The following WWOX variants were observed in gnomAD, a reference collection of about 807,000 sequenced individuals.
The protein encoded by WWOX is WW domain containing oxidoreductase.
WWOX carries 69 observed loss-of-function variants against 46.2 expected under a neutral mutation model. The observed-to-expected ratio is 1.49, with a 90% CI of 1.23 to 1.82. The LOEUF (loss-of-function observed/expected upper bound fraction) is 1.82. Ranked by LOEUF, WWOX falls within the 40% of genes most tolerant of loss-of-function variation. WWOX has a pLI of 0.00. For missense variants in WWOX, 919 were observed against 542.6 expected, an observed-to-expected ratio of 1.69 and a Z score of -6.89; for synonymous variants, 359 against 202.6, an observed-to-expected ratio of 1.77 and a Z score of -6.56.
intron 8 of WWOX, among the ~76,000 whole-genome samples, chr16:78,723,876 G>T: frequency 6.6e-6 from 1 of 152,182 alleles, no homozygotes; most frequent in African/African-American, 2.4e-5. Flanking sequence ...TGTAAAAAAT[G>T]AGGATTTGTT....
rs919034102 is a variant in WWOX at position 79,092,414 on chromosome 16, G to C, written c.1057-119194G>C. Among the ~76,000 whole-genome samples the C allele has an allele frequency of 5.3e-5, 8 of 152,270 alleles. No individual in the cohort carries two copies. In the East Asian group the frequency reaches 1.4e-3, roughly 26 times the overall value. Reference sequence around the variant, plus strand: ...ATAAAGCCAGAGGCGATATCACTTAGTTGTTCCAACATGATTGGTTCCTCA... The same window carrying C: ...ATAAAGCCAGAGGCGATATCACTTACTTGTTCCAACATGATTGGTTCCTCA... On this transcript the variant is annotated intron_variant, in intron 8 of 8. Transcript: ENST00000566780.
At chr16:78,861,303 T>G (rs1413013302) in intron 8 of WWOX, among the ~76,000 whole-genome samples, 1 of 152,232 alleles carries the variant, frequency 6.6e-6, no homozygotes, top group Non-Finnish European at 1.5e-5. Context: ...CATGCATCCA[T>G]CCATCCACCT....
intron 5 of WWOX, among the ~76,000 whole-genome samples, chr16:78,168,881 T>C (rs1167548136): frequency 6.6e-6 from 1 of 152,182 alleles, no homozygotes; most frequent in Non-Finnish European, 1.5e-5. Flanking sequence ...AATTATTTCA[T>C]GGGAAAATGC....
At chr16:78,980,558 T>C (rs755313583) in intron 8 of WWOX, among the ~76,000 whole-genome samples, 1 of 152,228 alleles carries the variant, frequency 6.6e-6, no homozygotes, top group African/African-American at 2.4e-5. Flanking sequence ...TTTTGTCTTT[T>C]ACGAAGCGTT....
At chr16:79,060,203 A>T (rs931754478) in intron 8 of WWOX, among the ~76,000 whole-genome samples, 3 of 152,172 alleles carry the variant, frequency 2.0e-5, no homozygotes, top group African/African-American at 7.2e-5. Flanking sequence ...TTTTCTTGCT[A>T]ATTTATTTCC....
chr16:78,682,626 C>G (rs1034931668), intron 8 of WWOX, among the ~76,000 whole-genome samples: 6 of 152,108 alleles, frequency 3.9e-5, no homozygotes, highest in African/African-American at 1.4e-4. Flanking sequence ...CCCCTGTAAT[C>G]CCAGCAGTCT....
chr16:78,998,839 T>C (rs1364318374), intron 8 of WWOX, among the ~76,000 whole-genome samples: 1 of 152,240 alleles, frequency 6.6e-6, no homozygotes, highest in Non-Finnish European at 1.5e-5. Flanking sequence ...TGTCAGGGTC[T>C]CTGAAATCTG....
At chr16:79,106,960 G>A (rs745982867) in intron 8 of WWOX, among the ~76,000 whole-genome samples, 5 of 151,532 alleles carry the variant, frequency 3.3e-5, no homozygotes, top group African/African-American at 4.8e-5. Context: ...GGTGCCCCCC[G>A]CAACCATGTC....
intron 8 of WWOX, among the ~76,000 whole-genome samples, chr16:78,465,919 A>T (rs566886325): frequency 9.9e-5 from 15 of 152,238 alleles, no homozygotes; most frequent in Non-Finnish European, 1.9e-4. Flanking sequence ...CCATTTATAT[A>T]AAATATGCAG....
At chr16:79,152,232 C>G (rs763962782) in intron 8 of WWOX, among the ~76,000 whole-genome samples, 117 of 152,146 alleles carry the variant, frequency 7.7e-4, no homozygotes, top group Non-Finnish European at 1.3e-3. Context: ...CCCATGCTGG[C>G]AGAACGGGTG....
intron 8 of WWOX, among the ~76,000 whole-genome samples, chr16:79,065,870 A>G (rs1173556049): frequency 6.6e-6 from 1 of 152,204 alleles, no homozygotes; most frequent in Non-Finnish European, 1.5e-5. Context: ...TATTCCTCTT[A>G]TGGTCACAAT....
At chr16:78,623,386 C>T (rs1280004409) in intron 8 of WWOX, among the ~76,000 whole-genome samples, 2 of 152,014 alleles carry the variant, frequency 1.3e-5, no homozygotes, top group African/African-American at 2.4e-5. Flanking sequence ...TTATAAGAAA[C>T]CTGTACTCTT....
rs189795132 is a variant in WWOX, at chr16:79,070,880, C to T, written c.1057-140728C>T. Among the ~76,000 whole-genome samples the T allele has an allele frequency of 2.8e-3, 429 of 152,192 alleles. 4 individuals carry two copies. Among genetic ancestry groups the T allele is most frequent in the African/African-American group, 9.7e-3 (403 of 41,502 alleles). The stretch of plus-strand genomic sequence containing the variant: ...ATGTGGGTGTGTTGACTATATTCTC[C>T]ACAGAAACTTTTTGAAGTAGCATCG... On this transcript the variant is annotated intron_variant, in intron 8 of 8. Transcript: ENST00000566780.
At position 78,648,020 on chromosome 16, in the gene WWOX, G is replaced by C. The variant is rs771455133; in HGVS notation, c.1056+215268G>C. ...TTTTCCATTATTCATTTGGCTTCTT[G>C]AACCCTCCCTATCTGTACCCCACAC... On this transcript the variant is annotated intron_variant, in intron 8 of 8. Transcript: ENST00000566780. 1.2e-3 allele frequency among the ~76,000 whole-genome samples: 186 copies of C among 152,066 alleles called. 3 individuals are homozygous for C. Among genetic ancestry groups the C allele is most frequent in the Non-Finnish European group, 6.8e-4 (46 of 68,032 alleles).
intron 5 of WWOX, among the ~76,000 whole-genome samples, chr16:78,383,740 C>G (rs1434245194): frequency 1.3e-5 from 2 of 152,196 alleles, no homozygotes; most frequent in African/African-American, 2.4e-5. Context: ...TCCAGTTTCT[C>G]TCCATTTCTC....
intron 8 of WWOX, among the ~76,000 whole-genome samples, chr16:78,453,965 C>G (rs897427671): frequency 4.6e-5 from 7 of 152,100 alleles, no homozygotes; most frequent in Non-Finnish European, 8.8e-5. Context: ...TTGGGCAGAT[C>G]TGGATTTCAC....
chr16:78,320,995 C>G (rs539592846), intron 5 of WWOX, among the ~76,000 whole-genome samples: 4 of 152,092 alleles, frequency 2.6e-5, no homozygotes, highest in Admixed American at 2.6e-4. Flanking sequence ...TAGCTTGATT[C>G]TATTTATAAT....
chr16:78,547,678 C>T (rs139964341), intron 8 of WWOX, among the ~76,000 whole-genome samples: 4 of 152,240 alleles, frequency 2.6e-5, no homozygotes, highest in East Asian at 1.9e-4. Context: ...TGTTTGGCAA[C>T]GGCCCACTTT....
intron 5 of WWOX, among the ~76,000 whole-genome samples, chr16:78,187,812 A>C (rs954868542): frequency 5.3e-5 from 8 of 152,206 alleles, no homozygotes; most frequent in South Asian, 2.1e-4. Flanking sequence ...GCAGGGCAAG[A>C]ATGGTTCAAG....
Sources: allele counts gnomAD v4.1 joint callset (sites outside exome capture counted in the v4.1 genomes callset), GRCh38; gene constraint gnomAD v4.1.1; transcripts MANE v1.5; gene names NCBI Gene and HGNC (gene_info 2026-07-23, HGNC 2026-07-21).